SPMIP2: variants seen among roughly 807,000 people sequenced by gnomAD.
The protein encoded by SPMIP2 is protein SPMIP2.
At chr4:158,934,467 T>G in the SPMIP2 span, among the ~76,000 whole-genome samples, 1 of 150,144 alleles carries the variant, frequency 6.7e-6, no homozygotes, top group South Asian at 2.1e-4. Flanking sequence ...GTCTCAAAAA[T>G]AAAATAAAAT....
the SPMIP2 span, among the ~76,000 whole-genome samples, chr4:158,918,211 G>A: frequency 1.3e-5 from 2 of 152,146 alleles, no homozygotes; most frequent in African/African-American, 2.4e-5. Context: ...GGGAAGGACA[G>A]GAAAGACCAG....
chr4:158,958,413 C>A, the SPMIP2 span, among the ~76,000 whole-genome samples: 1 of 152,294 alleles, frequency 6.6e-6, no homozygotes, highest in African/African-American at 2.4e-5. Flanking sequence ...GGATTACAGG[C>A]ATGAGCCACT....
At chr4:158,907,285 T>C in the SPMIP2 span, 6 of 152,360 alleles carry the variant, frequency 3.9e-5, no homozygotes, top group South Asian at 6.2e-4. Context: ...CAGTGTTAAA[T>C]AGCTTTTTGT....
chr4:158,914,750 G>T, the SPMIP2 span, among the ~76,000 whole-genome samples: 1 of 152,138 alleles, frequency 6.6e-6, no homozygotes, highest in African/African-American at 2.4e-5. Context: ...TATGCAACTT[G>T]CCCAAGATTC....
chr4:158,965,641 T>G, the SPMIP2 span, among the ~76,000 whole-genome samples: 1 of 148,774 alleles, frequency 6.7e-6, no homozygotes, highest in Non-Finnish European at 1.5e-5. Flanking sequence ...TGAAGGAGAC[T>G]GTGCCCAGTT....
chr4:158,949,067 G>C, the SPMIP2 span, among the ~76,000 whole-genome samples: 2 of 151,226 alleles, frequency 1.3e-5, no homozygotes, highest in African/African-American at 4.9e-5. Flanking sequence ...CAGACTTTTT[G>C]TTCTACTTTT....
chr4:159,044,476 C>T, the SPMIP2 span, among the ~76,000 whole-genome samples: 1 of 151,038 alleles, frequency 6.6e-6, no homozygotes, highest in African/African-American at 2.4e-5. Context: ...TATCACACAA[C>T]CTAGATGGGA....
At chr4:159,070,406 C>A in the SPMIP2 span, among the ~76,000 whole-genome samples, 2 of 152,196 alleles carry the variant, frequency 1.3e-5, no homozygotes, top group African/African-American at 4.8e-5. Flanking sequence ...AAGTTTCCAT[C>A]ATATTGTCTA....
the SPMIP2 span, among the ~76,000 whole-genome samples, chr4:158,961,536 C>T: frequency 1.3e-5 from 2 of 152,124 alleles, no homozygotes; most frequent in African/African-American, 4.8e-5. Flanking sequence ...GACATGATCC[C>T]CTGAAAATTG....
chr4:158,914,066 CAA>C, the SPMIP2 span, among the ~76,000 whole-genome samples: 2 of 151,930 alleles, frequency 1.3e-5, no homozygotes, highest in African/African-American at 2.4e-5. Context: ...TTTTTTAATG[CAA>C]AAAATATTTC....
the SPMIP2 span, among the ~76,000 whole-genome samples, chr4:158,986,968 G>A: frequency 7.0e-4 from 100 of 141,978 alleles, no homozygotes; most frequent in Non-Finnish European, 1.2e-3. Context: ...AAAAGTGGGC[G>A]AAGGACATGA....
chr4:159,071,918 G>A, the SPMIP2 span, among the ~76,000 whole-genome samples: 1 of 152,188 alleles, frequency 6.6e-6, no homozygotes, highest in South Asian at 2.1e-4. Context: ...GACCTGCAAG[G>A]TCCTGCTAGG....
chr4:159,003,240 T>G, the SPMIP2 span, among the ~76,000 whole-genome samples: 1 of 152,222 alleles, frequency 6.6e-6, no homozygotes, highest in East Asian at 1.9e-4. Context: ...GGAGACAGCA[T>G]GATGTGTAGA....
the SPMIP2 span, among the ~76,000 whole-genome samples, chr4:159,060,832 G>A: frequency 2.0e-5 from 3 of 152,082 alleles, no homozygotes; most frequent in South Asian, 6.2e-4. Context: ...CGCCTATAGT[G>A]CCAGCACTTT....
the SPMIP2 span, among the ~76,000 whole-genome samples, chr4:159,003,937 A>T: frequency 1.3e-5 from 2 of 152,208 alleles, no homozygotes; most frequent in South Asian, 2.1e-4. Flanking sequence ...AAAATGTTGG[A>T]CACAGAAAAG....
At chr4:159,043,404 T>C in the SPMIP2 span, among the ~76,000 whole-genome samples, 1 of 152,210 alleles carries the variant, frequency 6.6e-6, no homozygotes, top group African/African-American at 2.4e-5. Context: ...TGGAGTGCAG[T>C]GGCGCGATCT....
the SPMIP2 span, among the ~76,000 whole-genome samples, chr4:158,984,909 G>C: frequency 6.6e-6 from 1 of 151,890 alleles, no homozygotes; most frequent in Admixed American, 6.6e-5. Flanking sequence ...TAAAAAAAGA[G>C]AGAAGAATCA....
At chr4:158,920,513 G>A in the SPMIP2 span, among the ~76,000 whole-genome samples, 2 of 152,130 alleles carry the variant, frequency 1.3e-5, no homozygotes, top group African/African-American at 2.4e-5. Context: ...ATCTATAAAC[G>A]GCCACTCTGT....
At chr4:159,055,406 A>G in the SPMIP2 span, among the ~76,000 whole-genome samples, 1 of 152,166 alleles carries the variant, frequency 6.6e-6, no homozygotes, top group Non-Finnish European at 1.5e-5. Context: ...AAGAACTTTT[A>G]AAAAATGAAA....
Sources: gnomAD v4.1 joint callset for allele counts (sites outside exome capture counted in the v4.1 genomes callset) on GRCh38, gnomAD v4.1.1 for gene constraint, MANE v1.5 for transcripts, NCBI Gene and HGNC (gene_info 2026-07-23, HGNC 2026-07-21) for gene names.